NUDT13: variants seen among roughly 807,000 people sequenced by gnomAD.
NUDT13 encodes nudix hydrolase 13, also known as NAD(P)H pyrophosphatase NUDT13, mitochondrial.
A neutral mutation model predicts 41.7 loss-of-function variants in NUDT13; 40 were observed. The observed-to-expected ratio is 0.96, with a 90% confidence interval of 0.75 to 1.25. The LOEUF (loss-of-function observed/expected upper bound fraction) is 1.25, where lower values mean the gene tolerates loss of function less well. NUDT13 is among the 50% of genes most tolerant of loss of function. NUDT13 has a pLI of 0.00. For missense variants in NUDT13, 390 were observed against 416.1 expected, an observed-to-expected ratio of 0.94 and a Z score of 0.55; for synonymous variants, 145 against 155.5, an observed-to-expected ratio of 0.93 and a Z score of 0.50.
chr10:73,126,747 T>C lies in NUDT13; in HGVS notation c.778T>C (p.Tyr260His). ...VGLEVESLQY[Y>H]ASQHWPFPSG... ...ATTGGAGGTGGAAAGCCTGCAGTAC[T>C]ATGCATCCCAGCATTGGCCCTTCCC... The change falls in exon 8 of 9, where the codon TAT becomes CAT. Residue 260 changes from tyrosine (Y) to histidine (H), a missense_variant. Tyr to His is a moderately conservative substitution (Grantham distance 83). Transcript: ENST00000357321. 6.2e-7 allele frequency: 1 copy of C among 1,614,166 alleles called. No individual in the cohort carries two copies. The highest frequency in any genetic ancestry group is 8.5e-7 in the Non-Finnish European group (1 of 1,180,016).
chr10:73,129,077 T>C (rs146256681), intron 8 of NUDT13, among the ~76,000 whole-genome samples: 54 of 152,158 alleles, frequency 3.5e-4, no homozygotes, highest in African/African-American at 1.3e-3. Context: ...GACTGCAGGA[T>C]TGGTCTTATT....
chr10:73,112,153 C>A (rs1842379861), intron 1 of NUDT13, among the ~76,000 whole-genome samples: 1 of 152,034 alleles, frequency 6.6e-6, no homozygotes, highest in Non-Finnish European at 1.5e-5. Flanking sequence ...GAGTTCGAGA[C>A]CAGCCTGACC....
At chr10:73,124,742 AT>A (rs977070058) in intron 5 of NUDT13, 3 of 205,720 alleles carry the variant, frequency 1.5e-5, no homozygotes, top group Non-Finnish European at 1.9e-5. Context: ...ACCTCTAAAC[AT>A]TTTTTTAGTT....
rs1842720956 is a variant in NUDT13, at chr10:73,124,302, TG to T, written c.448del (p.Ala150ProfsTer43). 3 of 1,608,340 alleles carry T rather than the reference TG, an allele frequency of 1.9e-6. No homozygotes were observed. The highest frequency in any genetic ancestry group is 2.7e-5 in the African/African-American group (2 of 74,856). ...CACTCTTTCAACTCAATGCAAGGGA[TG>T]CCTCCTTGCTGTCCACGGTAGATTC... ...KALFQLNARD[A>X]SLLSTAQALL... On this transcript the variant is annotated frameshift_variant, in exon 5 of 9. Coordinates refer to ENST00000357321, the MANE Select transcript of NUDT13 (RefSeq NM_015901.6). LOFTEE classifies it high-confidence loss of function.
At chr10:73,113,183 A>G (rs1254285116) in intron 1 of NUDT13, among the ~76,000 whole-genome samples, 1 of 152,142 alleles carries the variant, frequency 6.6e-6, no homozygotes, top group Non-Finnish European at 1.5e-5. Flanking sequence ...CACCGCACCC[A>G]GCCCTTCTAT....
At chr10:73,110,842 A>AT (rs1238421835) in intron 1 of NUDT13, among the ~76,000 whole-genome samples, 12 of 151,284 alleles carry the variant, frequency 7.9e-5, no homozygotes, top group South Asian at 4.2e-4. Context: ...CTTAATTTTT[A>AT]TTTTTTTTTA....
chr10:73,110,818 C>T (rs917359477), intron 1 of NUDT13, among the ~76,000 whole-genome samples: 1 of 152,116 alleles, frequency 6.6e-6, no homozygotes, highest in Admixed American at 6.5e-5. Flanking sequence ...ACTTGCCAAC[C>T]TCTCACATTG....
chr10:73,116,622 G>A (rs1842517664), intron 2 of NUDT13, among the ~76,000 whole-genome samples: 2 of 151,902 alleles, frequency 1.3e-5, no homozygotes. Flanking sequence ...TGCACCTGTA[G>A]TCACAGCTAC....
intron 1 of NUDT13, among the ~76,000 whole-genome samples, chr10:73,112,710 C>T (rs1487204426): frequency 6.6e-6 from 1 of 151,664 alleles, no homozygotes; most frequent in Non-Finnish European, 1.5e-5. Context: ...ACTATAGTTA[C>T]CATACAACAC....
intron 6 of NUDT13, 67 bp from the exon 7 acceptor site, chr10:73,125,331 T>C (rs1316512165): frequency 1.9e-6 from 3 of 1,605,050 alleles, no homozygotes; most frequent in East Asian, 2.2e-5. Flanking sequence ...TCCTTAATTA[T>C]ACACTGCTTT....
In NUDT13 at chr10:73,112,089, G is replaced by T. The variant is rs112123059; in HGVS notation, c.-10+1522G>T. On this transcript the variant is annotated intron_variant, in intron 1 of 8. Transcript: ENST00000357321. ...AATAAGGCCGGGGGCAGTGGCTCTT[G>T]CCTGTAATCCCAGCACTTTGGGAGA... 7.9e-5 allele frequency among the ~76,000 whole-genome samples: 12 copies of T among 152,318 alleles called. 1 individual carries two copies. The highest frequency in any genetic ancestry group is 2.9e-4 in the African/African-American group (12 of 41,576).
chr10:73,114,486 T>C, intron 2 of NUDT13, 38 bp downstream of exon 2: 1 of 1,146,722 alleles, frequency 8.7e-7, no homozygotes, highest in Admixed American at 2.0e-5. Flanking sequence ...TTATTCTGTT[T>C]GGCCCATTAA....
chr10:73,119,942 C>T, intron 2 of NUDT13, 76 bp from the exon 3 acceptor site: 1 of 1,392,198 alleles, frequency 7.2e-7, no homozygotes, highest in Non-Finnish European at 1.0e-6. Flanking sequence ...GATGCAGCGA[C>T]AGCATTCTCA....
chr10:73,120,831 G>T (rs1446275582), intron 3 of NUDT13, among the ~76,000 whole-genome samples: 1 of 151,856 alleles, frequency 6.6e-6, no homozygotes, highest in African/African-American at 2.4e-5. Flanking sequence ...CCAGCTACTC[G>T]GGAGGCTGAG....
intron 8 of NUDT13, among the ~76,000 whole-genome samples, chr10:73,129,803 C>A (rs1021534353): frequency 1.3e-5 from 2 of 151,198 alleles, no homozygotes; most frequent in Non-Finnish European, 2.9e-5. Flanking sequence ...CATGGTGAAA[C>A]CCCGTCTCTA....
chr10:73,115,366 C>T (rs982662271), intron 2 of NUDT13, among the ~76,000 whole-genome samples: 3 of 151,872 alleles, frequency 2.0e-5, no homozygotes, highest in Non-Finnish European at 4.4e-5. Flanking sequence ...TGTGTAGAGA[C>T]AGGGTTTTGC....
chr10:73,119,918 C>A, intron 2 of NUDT13, 100 bp from the exon 3 acceptor site: 2 of 1,227,188 alleles, frequency 1.6e-6, no homozygotes, highest in Non-Finnish European at 2.3e-6. Context: ...GGGAAATAAC[C>A]ATGGTAAGAG....
intron 3 of NUDT13, among the ~76,000 whole-genome samples, chr10:73,121,902 G>T (rs1589660725): frequency 6.6e-6 from 1 of 152,034 alleles, no homozygotes; most frequent in African/African-American, 2.4e-5. Flanking sequence ...CTAACTAGGG[G>T]ATATTTTCCT....
At chr10:73,119,659 A>AATTCAATAAATATTTATTGAATCGAGCC (rs1842595874) in intron 2 of NUDT13, 1 of 188,006 alleles carries the variant, frequency 5.3e-6, no homozygotes, top group Non-Finnish European at 1.0e-5. Flanking sequence ...CTTGAAGTTC[A>AATTCAATAAATATTTATTGAATCGAGCC]ATTCAATAAA....
Sources: gnomAD v4.1 joint callset for allele counts (sites outside exome capture counted in the v4.1 genomes callset) on GRCh38, gnomAD v4.1.1 for gene constraint, MANE v1.5 for transcripts, NCBI Gene and HGNC (gene_info 2026-07-23, HGNC 2026-07-21) for gene names.